The following SH3RF2 variants were observed in gnomAD, a reference collection of about 807,000 sequenced individuals.
SH3RF2 encodes the protein SH3 domain containing ring finger 2.
Under a neutral mutation model 59.0 loss-of-function variants are expected in SH3RF2, and 43 were observed. The observed-to-expected ratio is 0.73, with a 90% CI of 0.57 to 0.94. The LOEUF (loss-of-function observed/expected upper bound fraction) is 0.94, where lower values mean the gene tolerates loss of function less well. Among genes scored for constraint, SH3RF2 ranks in the 40% least tolerant of loss-of-function variants. The pLI is 0.00. For synonymous variants in SH3RF2, 391 were observed against 391.5 expected (o/e 1.00, Z 0.01); for missense variants, 930 against 940.1 (o/e 0.99, Z 0.14).
At chr5:146,007,223 G>A (rs1462991138) in intron 4 of SH3RF2, among the ~76,000 whole-genome samples, 1 of 152,218 alleles carries the variant, frequency 6.6e-6, no homozygotes, top group African/African-American at 2.4e-5. Context: ...ACGATTTGAA[G>A]AGGAGGGAGA....
At chr5:145,942,547 G>A (rs1757855030) in intron 2 of SH3RF2, among the ~76,000 whole-genome samples, 1 of 152,234 alleles carries the variant, frequency 6.6e-6, no homozygotes, top group South Asian at 2.1e-4. Flanking sequence ...CCTTTCCTGA[G>A]TCTCAGAGGT....
intron 2 of SH3RF2, among the ~76,000 whole-genome samples, chr5:145,986,001 T>TTAAATAAA (rs1759686677): frequency 9.4e-6 from 1 of 106,662 alleles, no homozygotes; most frequent in Non-Finnish European, 1.9e-5. Flanking sequence ...AAGACTTGTC[T>TTAAATAAA]CAAATAAATA....
intron 2 of SH3RF2, among the ~76,000 whole-genome samples, chr5:145,994,150 T>G (rs1290135454): frequency 6.6e-6 from 1 of 152,198 alleles, no homozygotes; most frequent in African/African-American, 2.4e-5. Context: ...AAGAGTCACC[T>G]TTGCTCCAGT....
At chr5:146,075,656 C>T (rs1392107464) in intron 9 of SH3RF2, among the ~76,000 whole-genome samples, 5 of 151,700 alleles carry the variant, frequency 3.3e-5, no homozygotes, top group African/African-American at 1.2e-4. Flanking sequence ...ACTAAAAATA[C>T]AAAAATTAGC....
chr5:146,006,184 G>C (rs1486418785), intron 4 of SH3RF2, among the ~76,000 whole-genome samples: 2 of 152,102 alleles, frequency 1.3e-5, no homozygotes, highest in East Asian at 3.8e-4. Context: ...AACACATTGG[G>C]GGCCAAGGCA....
At chr5:145,959,132 T>A (rs563766333) in intron 2 of SH3RF2, among the ~76,000 whole-genome samples, 1 of 152,336 alleles carries the variant, frequency 6.6e-6, no homozygotes, top group South Asian at 2.1e-4. Context: ...GACCATGGAA[T>A]TGGCAGCAAG....
chr5:145,989,355 C>A (rs1279788011), intron 2 of SH3RF2, among the ~76,000 whole-genome samples: 2 of 152,188 alleles, frequency 1.3e-5, no homozygotes, highest in Non-Finnish European at 2.9e-5. Context: ...TCTTATCAGC[C>A]ATTTGTATTA....
chr5:146,028,245 C>A (rs1761612909), intron 5 of SH3RF2, among the ~76,000 whole-genome samples: 1 of 135,714 alleles, frequency 7.4e-6, no homozygotes, highest in Admixed American at 7.6e-5. Flanking sequence ...ACAAGAGAAG[C>A]AAAATAAAAC....
intron 9 of SH3RF2, among the ~76,000 whole-genome samples, chr5:146,071,613 T>C (rs187103184): frequency 2.6e-5 from 4 of 152,364 alleles, no homozygotes; most frequent in African/African-American, 7.2e-5. Flanking sequence ...GGACCAGCTA[T>C]GTTCCCAGTC....
chr5:146,063,705 C>A (rs1762976674), downstream of SH3RF2, among the ~76,000 whole-genome samples: 1 of 151,994 alleles, frequency 6.6e-6, no homozygotes, highest in Admixed American at 6.6e-5. Flanking sequence ...ACTAAAAATA[C>A]AAAAATTAGC....
intron 4 of SH3RF2, among the ~76,000 whole-genome samples, chr5:146,005,021 A>T (rs1760585669): frequency 6.6e-6 from 1 of 152,184 alleles, no homozygotes; most frequent in Non-Finnish European, 1.5e-5. Context: ...CTAGAGAAGG[A>T]TATGTACCAA....
intron 2 of SH3RF2, among the ~76,000 whole-genome samples, chr5:145,954,314 T>C (rs758325403): frequency 6.6e-6 from 1 of 152,258 alleles, no homozygotes; most frequent in Admixed American, 6.5e-5. Context: ...ATCAGCGATA[T>C]TGAGCTTTTT....
chr5:145,963,993 C>T (rs1341975929), intron 2 of SH3RF2, among the ~76,000 whole-genome samples: 13 of 151,720 alleles, frequency 8.6e-5, no homozygotes, highest in East Asian at 1.9e-4. Flanking sequence ...CCACCGCGCC[C>T]GGCTAATTTT....
intron 9 of SH3RF2, 25 bp from the exon 10 acceptor site, chr5:146,062,401 C>T: frequency 1.2e-6 from 2 of 1,609,022 alleles, no homozygotes; most frequent in Non-Finnish European, 1.7e-6. Context: ...TCACCTGTGT[C>T]CATTTCCTCT....
chr5:146,072,456 A>G (rs1198319116), intron 9 of SH3RF2, among the ~76,000 whole-genome samples: 1 of 152,068 alleles, frequency 6.6e-6, no homozygotes, highest in Non-Finnish European at 1.5e-5. Flanking sequence ...GCGGATCACA[A>G]GGTCAGGAGT....
At chr5:145,939,311 T>G (rs1183492305) in intron 2 of SH3RF2, among the ~76,000 whole-genome samples, 1 of 152,136 alleles carries the variant, frequency 6.6e-6, no homozygotes, top group African/African-American at 2.4e-5. Flanking sequence ...AGCATTAGAG[T>G]CTAAATGCTG....
exon 10 of SH3RF2, chr5:146,078,487 G>T (rs963852892): frequency 6.6e-6 from 1 of 152,202 alleles, no homozygotes; most frequent in South Asian, 2.1e-4. Flanking sequence ...TTCCCAGGAG[G>T]AATTCATGAC....
At chr5:146,015,450 TCACACACACA>T (rs372366663) in intron 5 of SH3RF2, among the ~76,000 whole-genome samples, 1 of 151,188 alleles carries the variant, frequency 6.6e-6, no homozygotes, top group Non-Finnish European at 1.5e-5. Context: ...AAGTTCTCCT[TCACACACACA>T]CACACAAACA....
At chr5:145,956,652 A>G (rs1393035689) in intron 2 of SH3RF2, among the ~76,000 whole-genome samples, 3 of 152,202 alleles carry the variant, frequency 2.0e-5, no homozygotes, top group Non-Finnish European at 2.9e-5. Flanking sequence ...GAAATTATAG[A>G]CGTATACTAC....
Sources: allele counts gnomAD v4.1 joint callset (sites outside exome capture counted in the v4.1 genomes callset), GRCh38; gene constraint gnomAD v4.1.1; transcripts MANE v1.5; gene names NCBI Gene and HGNC (gene_info 2026-07-23, HGNC 2026-07-21).